Variants in OR51B5 observed in about 807,000 individuals in gnomAD.
OR51B5 encodes olfactory receptor 51B5.
For missense variants in OR51B5, 456 were observed against 374.6 expected (o/e 1.22, Z -1.79); for synonymous variants, 186 against 144.8 (o/e 1.28, Z -2.04).
intron 1 of OR51B5, among the ~76,000 whole-genome samples, chr11:5,486,527 A>G (rs1017779717): frequency 2.6e-5 from 4 of 152,118 alleles, no homozygotes; most frequent in Admixed American, 2.6e-4. Context: ...CTTCTCTGGA[A>G]ACTTCTTGAC....
chr11:5,352,222 T>C (rs752800742), intron 1 of OR51B5: 7 of 1,614,160 alleles, frequency 4.3e-6, no homozygotes, highest in Non-Finnish European at 5.9e-6. Context: ...CCTCAACACA[T>C]GTGTCTCTCA....
chr11:5,483,113 T>C (rs1728847448), intron 1 of OR51B5, among the ~76,000 whole-genome samples: 2 of 150,704 alleles, frequency 1.3e-5, no homozygotes, highest in African/African-American at 4.9e-5. Context: ...AACCCAAATG[T>C]CCATCAATGA....
intron 1 of OR51B5, among the ~76,000 whole-genome samples, chr11:5,470,004 C>T (rs1268818895): frequency 6.6e-6 from 1 of 152,206 alleles, no homozygotes; most frequent in East Asian, 1.9e-4. Context: ...ATGTCACATT[C>T]CTCCACACCT....
At position 5,414,350 on chromosome 11, in the gene OR51B5, C is replaced by A. The variant is rs11037356; in HGVS notation, n.85-67440G>T. Among the ~76,000 whole-genome samples, 434 of 135,260 alleles carry A rather than the reference C, an allele frequency of 3.2e-3. 7 individuals carry two copies. Among genetic ancestry groups the A allele is most frequent in the African/African-American group, 1.0e-2 (376 of 37,742 alleles). The allele number at this position is 135,260 out of a possible 152,430, so 88.7% of individuals were successfully genotyped here. A position where few individuals can be genotyped will look rare whatever the true frequency, so the allele number is the denominator to read the frequency against. On this transcript the variant is annotated intron_variant and non_coding_transcript_variant, in intron 1 of 4. Transcript: ENST00000415970. ...ATCATGCCAAAATGTAAAGACCATT[C>A]AGACTAGGAAGAAACTGCATCAACT...
chr11:5,502,906 G>T (rs116155348), intron 1 of OR51B5, among the ~76,000 whole-genome samples: 2 of 152,008 alleles, frequency 1.3e-5, no homozygotes, highest in Non-Finnish European at 1.5e-5. Context: ...AATCTTGTTC[G>T]CCATTGTATT....
At chr11:5,461,898 C>G (rs769452375) in intron 1 of OR51B5, among the ~76,000 whole-genome samples, 11 of 152,220 alleles carry the variant, frequency 7.2e-5, no homozygotes, top group South Asian at 2.1e-4. Context: ...TGGATGCCTT[C>G]TTTCCGAAGA....
intron 1 of OR51B5, among the ~76,000 whole-genome samples, chr11:5,419,743 C>G (rs1313812647): frequency 1.3e-5 from 2 of 151,988 alleles, no homozygotes; most frequent in Non-Finnish European, 2.9e-5. Context: ...TTTTCAAAAT[C>G]TGAAACCTTG....
rs373942081 is a variant in OR51B5, at chr11:5,454,727, TAATA to T, written n.84+50838_84+50841del. On this transcript the variant is annotated intron_variant and non_coding_transcript_variant, in intron 1 of 4. Coordinates refer to the OR51B5 transcript ENST00000415970. ...TCTATAATAATGAATATTACTAATATAATAATTAACAAACTTAGTCCTAAAATGT... is the reference window on the plus strand; with the variant it reads ...TCTATAATAATGAATATTACTAATATATTAACAAACTTAGTCCTAAAATGT... 1.3e-4 allele frequency: 26 copies of T among 200,246 alleles called. No individual in the cohort carries two copies. The East Asian group carries it at 1.7e-3, about 13-fold the overall frequency. The allele number at this position is 200,246 out of a possible 1,614,324, so 12.4% of individuals were successfully genotyped here.
chr11:5,406,726 A>G (rs1269702313), intron 1 of OR51B5, among the ~76,000 whole-genome samples: 19 of 152,172 alleles, frequency 1.2e-4, no homozygotes, highest in Non-Finnish European at 1.5e-5. Context: ...GACTTGAGAG[A>G]GCATTCAAGG....
At chr11:5,441,178 C>T in intron 1 of OR51B5, 1 of 1,613,960 alleles carries the variant, frequency 6.2e-7, no homozygotes, top group Non-Finnish European at 8.5e-7. Flanking sequence ...ATGCCTGACT[C>T]CATGAAGGAG....
At chr11:5,462,781 T>A (rs2133794821) in intron 1 of OR51B5, among the ~76,000 whole-genome samples, 1 of 152,322 alleles carries the variant, frequency 6.6e-6, no homozygotes, top group South Asian at 2.1e-4. Context: ...AGTAATCTAC[T>A]TGTAGGTGCT....
chr11:5,452,504 CAAAAAAAAAAAAAAAAAAAAAAAAAA>C (rs56677841), intron 1 of OR51B5, among the ~76,000 whole-genome samples: 1 of 69,188 alleles, frequency 1.4e-5, no homozygotes. Context: ...GACTCTGTCT[CAAAAAAAAAAAAAAAAAAAAAAAAAA>C]AAAAAAAAAA....
intron 1 of OR51B5, among the ~76,000 whole-genome samples, chr11:5,350,119 C>G (rs1849054811): frequency 6.6e-6 from 1 of 152,050 alleles, no homozygotes; most frequent in African/African-American, 2.4e-5. Context: ...ATAACAAAAA[C>G]ACAAAAATAA....
intron 1 of OR51B5, among the ~76,000 whole-genome samples, chr11:5,449,057 G>A (rs1340698450): frequency 6.6e-6 from 1 of 152,204 alleles, no homozygotes; most frequent in Non-Finnish European, 1.5e-5. Flanking sequence ...AATCTCTTAG[G>A]AGGTAATGAG....
intron 1 of OR51B5, among the ~76,000 whole-genome samples, chr11:5,452,504 CAAAAAAAAAAAAAAAAAAAA>C (rs56677841): frequency 1.9e-4 from 13 of 69,212 alleles, no homozygotes; most frequent in East Asian, 7.3e-4. Context: ...GACTCTGTCT[CAAAAAAAAAAAAAAAAAAAA>C]AAAAAAAAAA....
intron 1 of OR51B5, chr11:5,422,903 G>A: frequency 6.2e-7 from 1 of 1,614,062 alleles, no homozygotes; most frequent in Non-Finnish European, 8.5e-7. Context: ...CACCTGGGCT[G>A]AGCGACTCCG....
At chr11:5,421,790 CA>C (rs369908296) in intron 1 of OR51B5, among the ~76,000 whole-genome samples, 116 of 151,980 alleles carry the variant, frequency 7.6e-4, no homozygotes, top group African/African-American at 2.7e-3. Flanking sequence ...GGATTTATAT[CA>C]AAAAAAGATA....
intron 1 of OR51B5, chr11:5,390,812 A>C: frequency 6.4e-6 from 1 of 156,340 alleles, no homozygotes; most frequent in East Asian, 1.9e-4. Context: ...CATCTTATCT[A>C]CCTGGCCAAG....
chr11:5,366,974 C>A (rs1849378961), intron 1 of OR51B5, among the ~76,000 whole-genome samples: 1 of 152,142 alleles, frequency 6.6e-6, no homozygotes, highest in Admixed American at 6.5e-5. Flanking sequence ...GGTCTCCTAA[C>A]ATTCCCCTCC....
Sources: gnomAD v4.1 joint callset for allele counts (sites outside exome capture counted in the v4.1 genomes callset) on GRCh38, gnomAD v4.1.1 for gene constraint, MANE v1.5 for transcripts, NCBI Gene and HGNC (gene_info 2026-07-23, HGNC 2026-07-21) for gene names.